Variants in FAS observed in about 807,000 individuals in gnomAD.
The protein encoded by FAS is tumor necrosis factor receptor superfamily member 6.
Under a neutral mutation model 33.2 loss-of-function variants are expected in FAS, and 5 were observed. That is an observed-to-expected ratio of 0.15 (90% CI 0.08 to 0.32). The LOEUF (loss-of-function observed/expected upper bound fraction) is 0.32, where lower values mean the gene tolerates loss of function less well. Ranked by LOEUF, FAS falls within the 10% of genes least tolerant of loss-of-function variation. The pLI is 1.00. For missense variants in FAS, 339 were observed against 386.0 expected, an observed-to-expected ratio of 0.88 and a Z score of 1.02; for synonymous variants, 131 against 130.7, an observed-to-expected ratio of 1.00 and a Z score of -0.01.
intron 2 of FAS, 133 bp from the exon 3 acceptor site, chr10:89,007,567 T>G: frequency 9.0e-6 from 10 of 1,115,788 alleles, no homozygotes; most frequent in Non-Finnish European, 1.3e-5. Flanking sequence ...CCCATTGTAT[T>G]TATATCTCAT....
upstream of FAS, among the ~76,000 whole-genome samples, chr10:88,982,670 C>G (rs967709145): frequency 6.6e-6 from 1 of 151,424 alleles, no homozygotes; most frequent in African/African-American, 2.4e-5. Context: ...GTTTTTTTTT[C>G]TTTTTCTTGA....
intron 1 of FAS, among the ~76,000 whole-genome samples, chr10:88,965,855 T>C (rs763797303): frequency 2.4e-4 from 37 of 152,166 alleles, no homozygotes; most frequent in Non-Finnish European, 4.7e-4. Flanking sequence ...CCGTAATGAC[T>C]AACTTTTGAG....
At chr10:89,009,939 G>A (rs547521086) in intron 4 of FAS, among the ~76,000 whole-genome samples, 1 of 152,306 alleles carries the variant, frequency 6.6e-6, no homozygotes, top group South Asian at 2.1e-4. Context: ...GCTCATGGCA[G>A]TGTGACTTCC....
chr10:88,974,765 A>T (rs1262584087), intron 2 of FAS: 1 of 152,228 alleles, frequency 6.6e-6, no homozygotes, highest in Non-Finnish European at 1.5e-5. Flanking sequence ...CACTCTAATT[A>T]GGAAGCATTT....
chr10:88,999,168 T>TAAAAA (rs1554848996), intron 1 of FAS, among the ~76,000 whole-genome samples: 22 of 67,838 alleles, frequency 3.2e-4, no homozygotes, highest in Admixed American at 8.8e-4. Context: ...AATAAATAAA[T>TAAAAA]AAATAAAATA....
chr10:88,967,167 C>T (rs1223641629), intron 1 of FAS, among the ~76,000 whole-genome samples: 1 of 152,082 alleles, frequency 6.6e-6, no homozygotes, highest in East Asian at 1.9e-4. Context: ...CTTCCTTTTC[C>T]AACAAAATTG....
chr10:88,981,364 C>T (rs1846706220), intron 2 of FAS, among the ~76,000 whole-genome samples: 1 of 145,986 alleles, frequency 6.8e-6, no homozygotes, highest in African/African-American at 2.6e-5. Context: ...TATTAACCAT[C>T]GGGTTAAGAG....
At chr10:89,006,416 GT>G (rs1359142911) in intron 2 of FAS, among the ~76,000 whole-genome samples, 2 of 152,114 alleles carry the variant, frequency 1.3e-5, no homozygotes, top group African/African-American at 4.8e-5. Context: ...TAAATATTTT[GT>G]TTTATCAAAA....
At chr10:89,011,028 G>C in intron 6 of FAS, 1 of 619,398 alleles carries the variant, frequency 1.6e-6, no homozygotes, top group Non-Finnish European at 2.8e-6. Flanking sequence ...GGGGCATTGA[G>C]TGGTATTCTC....
At chr10:89,012,834 A>G (rs989154372) in intron 7 of FAS, 1 of 153,794 alleles carries the variant, frequency 6.5e-6, no homozygotes, top group African/African-American at 2.4e-5. Flanking sequence ...CCAACATGGT[A>G]TCAATATATT....
At chr10:88,998,303 T>C (rs1424348281) in intron 1 of FAS, among the ~76,000 whole-genome samples, 1 of 151,304 alleles carries the variant, frequency 6.6e-6, no homozygotes, top group African/African-American at 2.4e-5. Context: ...AATTTAGAAA[T>C]TTATACTGTC....
chr10:88,983,046 CG>C (rs1006457505), upstream of FAS, among the ~76,000 whole-genome samples: 4 of 152,052 alleles, frequency 2.6e-5, no homozygotes, highest in African/African-American at 7.2e-5. Context: ...TTAGACCTAC[CG>C]AATCAGAATC....
intron 1 of FAS, among the ~76,000 whole-genome samples, chr10:89,001,113 C>T (rs1564683233): frequency 6.6e-6 from 1 of 152,180 alleles, no homozygotes; most frequent in East Asian, 1.9e-4. Flanking sequence ...ACTGTGATGA[C>T]TCTAAAGCTT....
At chr10:89,005,406 A>G (rs1446878597) in intron 2 of FAS, among the ~76,000 whole-genome samples, 3 of 152,154 alleles carry the variant, frequency 2.0e-5, no homozygotes, top group African/African-American at 7.2e-5. Context: ...ATGTAAATTG[A>G]CATTTTTGAT....
chr10:89,001,461 C>T (rs1428928460), intron 1 of FAS, among the ~76,000 whole-genome samples: 1 of 151,418 alleles, frequency 6.6e-6, no homozygotes, highest in East Asian at 1.9e-4. Flanking sequence ...GAATGGGGGT[C>T]TATATTTCTT....
chr10:88,973,453 GA>G (rs1846494529), intron 2 of FAS: 1 of 958,314 alleles, frequency 1.0e-6, no homozygotes, highest in Non-Finnish European at 1.4e-6. Flanking sequence ...CCTTTCTAAA[GA>G]AAAACACGTC....
In FAS at chr10:89,015,782, G is replaced by T. The variant is rs1465289435; in HGVS notation, c.*1332G>T. The T allele has an allele frequency of 1.1e-5, 5 of 466,008 alleles. No homozygotes were observed. Among genetic ancestry groups the T allele is most frequent in the South Asian group, 2.0e-5 (1 of 50,674 alleles). The allele number at this position is 466,008 out of a possible 1,614,324, so 28.9% of individuals were successfully genotyped here. A position where few individuals can be genotyped will look rare whatever the true frequency, so the allele number is the denominator to read the frequency against. On this transcript the variant is annotated 3_prime_UTR_variant, in exon 9 of 9. Transcript: ENST00000652046. ...AAGTACGTAATTAAATAATGTTTTT[G>T]GTATTTCTGGTTTTCTCTTTTTTGG... is the stretch of plus-strand genomic sequence containing the variant.
rs113761804 is a variant in FAS at position 89,000,463 on chromosome 10, C to A, written c.31-2566C>A. ...TTTTATTATACAACAAACACATATG[C>A]ATTATCAAGAAAAGATGAGTTTAGC... On this transcript the variant is annotated intron_variant, in intron 1 of 8. Coordinates refer to ENST00000652046, the MANE Select transcript of FAS (RefSeq NM_000043.6). Among the ~76,000 whole-genome samples the A allele has an allele frequency of 1.3e-3, 199 of 152,244 alleles. 1 individual carries two copies. Among genetic ancestry groups the A allele is most frequent in the African/African-American group, 4.5e-3 (185 of 41,548 alleles).
upstream of FAS, among the ~76,000 whole-genome samples, chr10:88,982,159 A>G (rs1045980341): frequency 6.6e-5 from 10 of 152,212 alleles, no homozygotes; most frequent in African/African-American, 1.9e-4. Flanking sequence ...CTACTGCAAG[A>G]TCCTCAAGTG....
Sources: gnomAD v4.1 joint callset for allele counts (sites outside exome capture counted in the v4.1 genomes callset) on GRCh38, gnomAD v4.1.1 for gene constraint, MANE v1.5 for transcripts, NCBI Gene and HGNC (gene_info 2026-07-23, HGNC 2026-07-21) for gene names.